Variants in ACOXL observed in about 807,000 individuals in gnomAD.
ACOXL encodes acyl-coenzyme A oxidase-like protein.
In ACOXL, 70 loss-of-function variants were observed where a neutral mutation model predicts 71.9. That is an observed-to-expected ratio of 0.97 (90% CI 0.80 to 1.19). The LOEUF is 1.19. Ranked by LOEUF, ACOXL falls within the 50% of genes most tolerant of loss-of-function variation. The pLI is 0.00. For missense variants in ACOXL, 703 were observed against 736.3 expected (o/e 0.95, Z 0.52); for synonymous variants, 253 against 281.6 (o/e 0.90, Z 1.02).
intron 15 of ACOXL, among the ~76,000 whole-genome samples, chr2:111,038,241 G>A (rs377747913): frequency 3.9e-5 from 6 of 152,222 alleles, no homozygotes; most frequent in African/African-American, 1.4e-4. Flanking sequence ...AGTTAAAAGA[G>A]GCAGAAGGAA....
At chr2:110,853,014 A>G (rs1270621249) in intron 10 of ACOXL, among the ~76,000 whole-genome samples, 3 of 152,152 alleles carry the variant, frequency 2.0e-5, no homozygotes, top group African/African-American at 7.2e-5. Flanking sequence ...GTGGGTCCAT[A>G]CAATGTTCCT....
chr2:111,075,497 T>C (rs562136701), intron 16 of ACOXL, among the ~76,000 whole-genome samples: 1 of 152,192 alleles, frequency 6.6e-6, no homozygotes, highest in Non-Finnish European at 1.5e-5. Context: ...TTGTTAGAAC[T>C]TTATCAATTA....
intron 9 of ACOXL, among the ~76,000 whole-genome samples, chr2:110,832,400 C>T (rs1427211483): frequency 3.3e-5 from 5 of 151,534 alleles, no homozygotes; most frequent in Admixed American, 2.0e-4. Context: ...TAGCCGGGTG[C>T]GGTGGCGGGC....
intron 7 of ACOXL, among the ~76,000 whole-genome samples, chr2:110,801,262 C>A (rs529763933): frequency 1.3e-5 from 2 of 152,322 alleles, no homozygotes; most frequent in South Asian, 2.1e-4. Context: ...CACTGCATTC[C>A]TGGGGAGAGC....
intron 3 of ACOXL, among the ~76,000 whole-genome samples, chr2:110,791,426 A>C (rs372429781): frequency 2.6e-5 from 4 of 152,348 alleles, no homozygotes; most frequent in African/African-American, 9.6e-5. Context: ...CCAGCCAAAG[A>C]GATTTAGAGG....
intron 11 of ACOXL, among the ~76,000 whole-genome samples, chr2:110,909,665 T>A (rs1198691408): frequency 6.6e-6 from 1 of 151,494 alleles, no homozygotes; most frequent in Non-Finnish European, 1.5e-5. Flanking sequence ...TGTTTGAAAT[T>A]TAACATGCTG....
intron 12 of ACOXL, among the ~76,000 whole-genome samples, chr2:110,967,341 T>C (rs969054841): frequency 8.5e-5 from 13 of 152,120 alleles, no homozygotes; most frequent in African/African-American, 3.1e-4. Context: ...TTACCCAATC[T>C]GAACAACAGA....
intron 9 of ACOXL, 87 bp downstream of exon 9, chr2:110,805,482 T>A: frequency 6.4e-7 from 1 of 1,567,866 alleles, no homozygotes; most frequent in Non-Finnish European, 8.7e-7. Context: ...GCTGAGCTTC[T>A]GGAGCCACAG....
intron 10 of ACOXL, among the ~76,000 whole-genome samples, chr2:110,906,524 C>G (rs954552179): frequency 6.4e-5 from 7 of 109,688 alleles, no homozygotes; most frequent in Non-Finnish European, 1.0e-4. Context: ...GACGACAGAG[C>G]AAGACTCTGT....
In ACOXL at chr2:110,799,378, C is replaced by T. The variant is rs533644505; in HGVS notation, c.547+278C>T. Among the ~76,000 whole-genome samples the T allele has an allele frequency of 7.2e-5, 11 of 152,268 alleles. No homozygotes were observed. In the East Asian group the frequency reaches 2.1e-3, roughly 29 times the overall value. On this transcript the variant is annotated intron_variant, in intron 7 of 17. Transcript: ENST00000439055. ...AGTTTTGCCCACAATCCTGTTTTGT[C>T]TTCTCTCATCTGAGACTTGGGGGCT...
At chr2:110,913,711 A>AGCAT (rs1265539438) in intron 11 of ACOXL, among the ~76,000 whole-genome samples, 1 of 152,212 alleles carries the variant, frequency 6.6e-6, no homozygotes, top group Non-Finnish European at 1.5e-5. Context: ...AGGCTATACA[A>AGCAT]GCATGGCACA....
intron 10 of ACOXL, among the ~76,000 whole-genome samples, chr2:110,881,271 C>T (rs1696607071): frequency 6.6e-6 from 1 of 151,936 alleles, no homozygotes; most frequent in African/African-American, 2.4e-5. Flanking sequence ...AAGACTCTTC[C>T]TGTAAAACAT....
chr2:110,741,365 C>G (rs964448856), intron 1 of ACOXL, among the ~76,000 whole-genome samples: 2 of 152,134 alleles, frequency 1.3e-5, no homozygotes, highest in Non-Finnish European at 2.9e-5. Flanking sequence ...AGGCCTCTCT[C>G]CTTGGCTTGT....
At chr2:110,983,319 G>C (rs1276515714) in intron 12 of ACOXL, among the ~76,000 whole-genome samples, 1 of 152,142 alleles carries the variant, frequency 6.6e-6, no homozygotes, top group Non-Finnish European at 1.5e-5. Flanking sequence ...ACTTTTATTG[G>C]TGTTACATAA....
intron 15 of ACOXL, among the ~76,000 whole-genome samples, 197 bp from the exon 16 acceptor site, chr2:111,049,017 CTCTG>C (rs1458835518): frequency 6.6e-6 from 1 of 152,132 alleles, no homozygotes; most frequent in Non-Finnish European, 1.5e-5. Context: ...ACTGTAATGA[CTCTG>C]TCTGATGGGG....
intron 10 of ACOXL, among the ~76,000 whole-genome samples, chr2:110,859,591 T>C (rs958859802): frequency 6.6e-6 from 1 of 152,152 alleles, no homozygotes; most frequent in African/African-American, 2.4e-5. Flanking sequence ...ATGCAGCTGC[T>C]GTTGACGGCA....
intron 16 of ACOXL, among the ~76,000 whole-genome samples, chr2:111,080,076 T>C (rs2067823203): frequency 6.6e-6 from 1 of 152,190 alleles, no homozygotes; most frequent in Non-Finnish European, 1.5e-5. Flanking sequence ...ATATCCCCTT[T>C]ATCATTTTTT....
At chr2:110,870,419 A>G (rs1695133175) in intron 10 of ACOXL, among the ~76,000 whole-genome samples, 1 of 151,906 alleles carries the variant, frequency 6.6e-6, no homozygotes, top group African/African-American at 2.4e-5. Flanking sequence ...CAATTGGGGT[A>G]TAGGTTGAAC....
chr2:110,846,474 C>G (rs986059213), intron 10 of ACOXL, among the ~76,000 whole-genome samples: 1 of 152,122 alleles, frequency 6.6e-6, no homozygotes, highest in African/African-American at 2.4e-5. Flanking sequence ...GCCTCAGAGC[C>G]GGAGGGGCTC....
Sources: allele counts gnomAD v4.1 joint callset (sites outside exome capture counted in the v4.1 genomes callset), GRCh38; gene constraint gnomAD v4.1.1; transcripts MANE v1.5; gene names NCBI Gene and HGNC (gene_info 2026-07-23, HGNC 2026-07-21).